The following TENM1 variants were observed in gnomAD, a reference collection of about 807,000 sequenced individuals.
TENM1 encodes teneurin-1.
A neutral mutation model predicts 174.8 loss-of-function variants in TENM1; 35 were observed. The observed-to-expected ratio is 0.20, with a 90% CI of 0.15 to 0.27. The LOEUF is 0.27. Ranked by LOEUF, TENM1 falls within the 10% of genes least tolerant of loss-of-function variation. The probability of loss-of-function intolerance (pLI) is 1.00; values close to 1 mark genes in which losing one functional copy is unlikely to be tolerated. For synonymous variants in TENM1, 781 were observed against 798.7 expected, an observed-to-expected ratio of 0.98 and a Z score of 0.37; for missense variants, 1,633 against 2,130.1, an observed-to-expected ratio of 0.77 and a Z score of 4.59.
intron 15 of TENM1, among the ~76,000 whole-genome samples, chrX:124,544,412 G>A (rs1056496826): frequency 3.6e-5 from 4 of 112,206 alleles, no homozygotes; most frequent in Non-Finnish European, 1.9e-5. Flanking sequence ...GACAAATGGA[G>A]ATAGTAATAG....
intron 5 of TENM1, among the ~76,000 whole-genome samples, chrX:124,703,537 T>A (rs1430303317): frequency 8.9e-6 from 1 of 112,171 alleles, no homozygotes; most frequent in Non-Finnish European, 1.9e-5. Flanking sequence ...TTAGGCCTTG[T>A]ATCTAAAACA....
the TENM1 span, among the ~76,000 whole-genome samples, chrX:125,003,776 C>T: frequency 9.0e-6 from 1 of 111,542 alleles, no homozygotes; most frequent in African/African-American, 3.3e-5. Flanking sequence ...GTCACAAAAC[C>T]AAGATAATAA....
chrX:124,543,495 G>C (rs1024616372), intron 15 of TENM1, among the ~76,000 whole-genome samples: 1 of 111,495 alleles, frequency 9.0e-6, no homozygotes, highest in Non-Finnish European at 1.9e-5. Context: ...GAAATGTCTG[G>C]CTTTGCAAAT....
chrX:124,814,147 T>C (rs2055846000), intron 3 of TENM1, among the ~76,000 whole-genome samples: 1 of 111,184 alleles, frequency 9.0e-6, no homozygotes, highest in Non-Finnish European at 1.9e-5. Context: ...TCAGGCTGCC[T>C]AGGTCTGAAT....
the TENM1 span, among the ~76,000 whole-genome samples, chrX:125,005,775 C>T: frequency 6.3e-5 from 7 of 111,095 alleles, 1 homozygote; most frequent in African/African-American, 2.3e-4. Context: ...GGGAAGTGCA[C>T]GGAGCCAGGG....
chrX:124,617,177 T>C (rs921548349), intron 11 of TENM1, among the ~76,000 whole-genome samples: 2 of 111,901 alleles, frequency 1.8e-5, no homozygotes, highest in African/African-American at 6.5e-5. Flanking sequence ...AAACTTAAGG[T>C]GCTTGGTATC....
intron 3 of TENM1, among the ~76,000 whole-genome samples, chrX:124,756,249 A>G (rs1348135546): frequency 9.8e-6 from 1 of 102,066 alleles, no homozygotes; most frequent in East Asian, 3.0e-4. Flanking sequence ...TTCATCTTCC[A>G]TCACTGATAC....
At chrX:124,641,183 T>C (rs1478809009) in intron 11 of TENM1, among the ~76,000 whole-genome samples, 2 of 111,425 alleles carry the variant, frequency 1.8e-5, no homozygotes, top group Admixed American at 1.9e-4. Flanking sequence ...GAACGATTTA[T>C]GCAGGAAGCA....
chrX:124,831,260 G>T (rs755014100), intron 3 of TENM1, among the ~76,000 whole-genome samples: 2 of 111,108 alleles, frequency 1.8e-5, no homozygotes, highest in African/African-American at 6.5e-5. Flanking sequence ...TTACTCAAAA[G>T]TTCTGAACAA....
intron 3 of TENM1, among the ~76,000 whole-genome samples, chrX:124,744,323 A>G (rs1043754496): frequency 1.8e-5 from 2 of 112,237 alleles, no homozygotes; most frequent in East Asian, 2.8e-4. Flanking sequence ...AAATGAAGCC[A>G]ATATATTTGT....
chrX:125,081,148 T>C, the TENM1 span, among the ~76,000 whole-genome samples: 2 of 111,310 alleles, frequency 1.8e-5, no homozygotes, highest in Non-Finnish European at 3.8e-5. Flanking sequence ...CAACACCTAG[T>C]ATATAAGCAC....
intron 4 of TENM1, among the ~76,000 whole-genome samples, chrX:124,728,646 C>T (rs1210449341): frequency 9.0e-6 from 1 of 111,253 alleles, no homozygotes; most frequent in Non-Finnish European, 1.9e-5. Context: ...GTTAGATCTA[C>T]CCCCCTCCAA....
At chrX:124,986,262 C>T in the TENM1 span, among the ~76,000 whole-genome samples, 1 of 111,446 alleles carries the variant, frequency 9.0e-6, no homozygotes, top group East Asian at 2.8e-4. Context: ...ACTGTTTTCA[C>T]AAAATTTTCA....
chrX:124,614,665 C>T (rs1476625110), intron 11 of TENM1, among the ~76,000 whole-genome samples: 1 of 111,859 alleles, frequency 8.9e-6, no homozygotes, highest in Non-Finnish European at 1.9e-5. Flanking sequence ...GGCAGATCAC[C>T]TGAGGTCAGG....
chrX:125,077,244 G>A, the TENM1 span, among the ~76,000 whole-genome samples: 1 of 110,686 alleles, frequency 9.0e-6, no homozygotes, highest in African/African-American at 3.3e-5. Context: ...ATAGTACTAA[G>A]GAACCTAAAC....
intron 3 of TENM1, among the ~76,000 whole-genome samples, chrX:124,792,927 A>C (rs753316570): frequency 7.1e-5 from 8 of 112,268 alleles, no homozygotes; most frequent in African/African-American, 2.6e-4. Context: ...TAATTTCTAA[A>C]CATGGGCCCT....
intron 3 of TENM1, among the ~76,000 whole-genome samples, chrX:124,741,377 G>A (rs907703093): frequency 9.0e-5 from 10 of 111,590 alleles, no homozygotes; most frequent in African/African-American, 3.3e-4. Context: ...AGGGTGTTTT[G>A]TCCCTTACAT....
At chrX:124,556,204 G>A (rs774244108) in intron 14 of TENM1, among the ~76,000 whole-genome samples, 7 of 110,118 alleles carry the variant, frequency 6.4e-5, no homozygotes, top group Non-Finnish European at 1.1e-4. Context: ...AGCACTTTGG[G>A]AGGCTGAGGC....
the TENM1 span, among the ~76,000 whole-genome samples, chrX:124,975,935 T>C: frequency 9.0e-6 from 1 of 111,062 alleles, no homozygotes; most frequent in African/African-American, 3.3e-5. Flanking sequence ...CTTTATTTCA[T>C]ATCTGTAAAG....
Sources: allele counts gnomAD v4.1 joint callset (sites outside exome capture counted in the v4.1 genomes callset), GRCh38; gene constraint gnomAD v4.1.1; transcripts MANE v1.5; gene names NCBI Gene and HGNC (gene_info 2026-07-23, HGNC 2026-07-21).